Variants in POP1 observed in about 807,000 individuals in gnomAD.
POP1 encodes ribonucleases P/MRP protein subunit POP1.
POP1 carries 75 observed loss-of-function variants against 102.2 expected under a neutral mutation model. That is an observed-to-expected ratio of 0.73 (90% CI 0.61 to 0.89). The LOEUF (loss-of-function observed/expected upper bound fraction) is 0.89, where lower values mean the gene tolerates loss of function less well. Among genes scored for constraint, POP1 ranks in the 40% least tolerant of loss-of-function variants. POP1 has a pLI of 0.00. For synonymous variants in POP1, 436 were observed against 464.1 expected (o/e 0.94, Z 0.78); for missense variants, 1,116 against 1,267.4 (o/e 0.88, Z 1.81).
chr8:98,124,765 T>G (rs1220951347), intron 2 of POP1, among the ~76,000 whole-genome samples: 1 of 152,222 alleles, frequency 6.6e-6, no homozygotes, highest in African/African-American at 2.4e-5. Context: ...ATTATTATAC[T>G]TCTGTGTTTC....
rs76141957 is a variant in POP1, at chr8:98,124,668, C to T, written c.142+1189C>T. On this transcript the variant is annotated intron_variant, in intron 2 of 15. Transcript: ENST00000401707. ...CTAATTCATTGACGTAATTCAGGGACGTATGAAACATGACTACTATAAATA... is the reference window on the plus strand; with the variant it reads ...CTAATTCATTGACGTAATTCAGGGATGTATGAAACATGACTACTATAAATA... 1.6e-3 allele frequency among the ~76,000 whole-genome samples: 243 copies of T among 152,228 alleles called. 3 individuals carry two copies. The South Asian group carries it at 0.023, about 15-fold the overall frequency.
At chr8:98,130,709 G>T (rs927526079) in intron 5 of POP1, among the ~76,000 whole-genome samples, 1 of 152,192 alleles carries the variant, frequency 6.6e-6, no homozygotes, top group African/African-American at 2.4e-5. Flanking sequence ...ATCATGTCAA[G>T]TTTTATTCAC....
At position 98,123,625 on chromosome 8, in the gene POP1, G is replaced by T. The variant is rs1397502834; in HGVS notation, c.142+146G>T. On this transcript the variant is annotated intron_variant, in intron 2 of 15. Coordinates refer to ENST00000401707, the MANE Select transcript of POP1 (RefSeq NM_001145860.2). ...AACCCCGTCTCTACTAAAAATACAA[G>T]AATTAACTGGGTGTGGTGGCGCGTG... 6.0e-6 allele frequency: 4 copies of T among 671,326 alleles called. No individual in the cohort carries two copies. In the African/African-American group the frequency reaches 7.4e-5, roughly 12 times the overall value. 41.6% of individuals were successfully genotyped at this position (671,326 alleles called of 1,614,324 possible).
intron 11 of POP1, among the ~76,000 whole-genome samples, chr8:98,143,461 T>C (rs1246185008): frequency 6.6e-6 from 1 of 152,200 alleles, no homozygotes; most frequent in East Asian, 1.9e-4. Flanking sequence ...ACACAGTCTA[T>C]GTCCTTAGTA....
chr8:98,148,554 A>G (rs1307645152), intron 12 of POP1, among the ~76,000 whole-genome samples: 1 of 152,226 alleles, frequency 6.6e-6, no homozygotes, highest in African/African-American at 2.4e-5. Flanking sequence ...ATTAATCTTG[A>G]TATAAGAGAT....
chr8:98,138,971 G>C (rs1816630950), intron 9 of POP1, among the ~76,000 whole-genome samples: 1 of 150,790 alleles, frequency 6.6e-6, no homozygotes, highest in South Asian at 2.1e-4. Flanking sequence ...TCATACCTCA[G>C]CCTCCCGAGT....
In POP1 at chr8:98,153,533, C is replaced by CTTTTTTTTTTTTTT. The variant is rs747984872; in HGVS notation, c.2058-2507_2058-2494dup. On this transcript the variant is annotated intron_variant, in intron 14 of 15. Coordinates refer to ENST00000401707, the MANE Select transcript of POP1 (RefSeq NM_001145860.2). ...ACTAGATTTACAAACAGTTCTGACT[C>CTTTTTTTTTTTTTT]TTTTTTTTTTTTTTTTTTTTTTTGA... Among the ~76,000 whole-genome samples the CTTTTTTTTTTTTTT allele has an allele frequency of 2.0e-4, 17 of 85,504 alleles. 1 individual carries two copies. Among genetic ancestry groups the CTTTTTTTTTTTTTT allele is most frequent in the Non-Finnish European group, 2.1e-4 (10 of 47,296 alleles). 56.1% of individuals were successfully genotyped at this position (85,504 alleles called of 152,430 possible).
At position 98,130,089 on chromosome 8, in the gene POP1, A is replaced by G. The variant is rs371725440; in HGVS notation, c.598A>G (p.Ile200Val). The G allele has an allele frequency of 2.5e-6, 4 of 1,614,072 alleles. No homozygotes were observed. The African/African-American group carries it at 5.3e-5, about 22-fold the overall frequency. Residue 200 changes from isoleucine (I) to valine (V), a missense_variant, in exon 5 of 16, where the codon ATT becomes GTT. Physicochemically the swap from Ile to Val is conservative, Grantham distance 29 (BLOSUM62 3). Coordinates refer to ENST00000401707, the MANE Select transcript of POP1 (RefSeq NM_001145860.2). ...LEFNRRQKKN[I>V]WLETHIWHAK... is the part of the protein sequence containing the mutation. ...ATTTAACCGTAGACAAAAGAAGAAC[A>G]TTTGGTTAGAAACTCACATCTGGCA...
intron 2 of POP1, among the ~76,000 whole-genome samples, chr8:98,124,333 G>A (rs370294646): frequency 2.6e-5 from 4 of 152,254 alleles, no homozygotes; most frequent in South Asian, 2.1e-4. Context: ...AGGCTGAGGC[G>A]GGCGGATCAC....
chr8:98,127,519 C>T, intron 2 of POP1, 76 bp from the exon 3 acceptor site: 1 of 1,557,930 alleles, frequency 6.4e-7, no homozygotes, highest in East Asian at 2.2e-5. Flanking sequence ...AATGTTGCCA[C>T]CCAACAAATA....
chr8:98,121,791 T>A (rs1261032015), intron 1 of POP1, among the ~76,000 whole-genome samples: 1 of 151,902 alleles, frequency 6.6e-6, no homozygotes, highest in Non-Finnish European at 1.5e-5. Context: ...CACACCATTC[T>A]CCTGCCTCAG....
Position 98,156,039 on chromosome 8 carries a change from T to G in POP1, c.2058-11T>G, listed in dbSNP as rs1430155127. 6.2e-7 allele frequency: 1 copy of G among 1,612,962 alleles called. No individual in the cohort carries two copies. Among genetic ancestry groups the G allele is most frequent in the South Asian group, 1.1e-5 (1 of 91,022 alleles). On this transcript the variant is annotated splice_polypyrimidine_tract_variant and intron_variant, in intron 14 of 15. Transcript: ENST00000401707. ...TGTTCAACATTGGTTCTCCTGTATGTTTTTCTTTAGACGCCCTCCTGCAAA... is the reference window on the plus strand; with the variant it reads ...TGTTCAACATTGGTTCTCCTGTATGGTTTTCTTTAGACGCCCTCCTGCAAA...
chr8:98,136,082 ATTTTTT>A (rs1816530931), intron 7 of POP1, among the ~76,000 whole-genome samples: 1 of 151,198 alleles, frequency 6.6e-6, no homozygotes, highest in African/African-American at 2.4e-5. Flanking sequence ...TTTATTTTTT[ATTTTTT>A]ATTTTTTTTT....
intron 2 of POP1, among the ~76,000 whole-genome samples, chr8:98,124,556 C>CA (rs1308056480): frequency 9.4e-5 from 13 of 138,284 alleles, no homozygotes; most frequent in African/African-American, 3.0e-4. Flanking sequence ...GAGACTGTCC[C>CA]AAAAAAAAGG....
At chr8:98,119,821 G>A (rs1009196702) in intron 1 of POP1, among the ~76,000 whole-genome samples, 3 of 152,050 alleles carry the variant, frequency 2.0e-5, no homozygotes, top group Non-Finnish European at 4.4e-5. Context: ...CAATCCTCCC[G>A]CCTTGGCCTC....
intron 1 of POP1, among the ~76,000 whole-genome samples, chr8:98,121,666 C>T (rs904207793): frequency 1.5e-4 from 22 of 150,232 alleles, no homozygotes; most frequent in Non-Finnish European, 2.1e-4. Context: ...TACAGGTGCG[C>T]GCCACTGCAC....
At chr8:98,123,518 C>T (rs2130576109) in intron 2 of POP1, 39 bp downstream of exon 2, 1 of 1,594,478 alleles carries the variant, frequency 6.3e-7, no homozygotes, top group Non-Finnish European at 8.6e-7. Flanking sequence ...GTGGCTCACG[C>T]CTGTAATCCC....
intron 5 of POP1, among the ~76,000 whole-genome samples, chr8:98,133,455 G>A (rs1257908251): frequency 3.9e-5 from 6 of 152,294 alleles, no homozygotes; most frequent in African/African-American, 1.4e-4. Context: ...TAGGCTTAGT[G>A]TTAAGTAATC....
At position 98,141,205 on chromosome 8, in the gene POP1, T is replaced by C. The variant is rs551721741; in HGVS notation, c.1594+317T>C. On this transcript the variant is annotated intron_variant, in intron 11 of 15. Transcript: ENST00000401707. ...AATGTCTGGCGTTTCAGAATTTTAA[T>C]TGTGAGGAAGGGATCTGCACCCGAA... 3.3e-5 allele frequency among the ~76,000 whole-genome samples: 5 copies of C among 152,060 alleles called. No homozygotes were observed. In the South Asian group the frequency reaches 1.0e-3, roughly 32 times the overall value.
Sources: allele counts gnomAD v4.1 joint callset (sites outside exome capture counted in the v4.1 genomes callset), GRCh38; gene constraint gnomAD v4.1.1; transcripts MANE v1.5; gene names NCBI Gene and HGNC (gene_info 2026-07-23, HGNC 2026-07-21).